TTC7A: variants seen among roughly 807,000 people sequenced by gnomAD.
TTC7A encodes tetratricopeptide repeat domain 7A.
In TTC7A, 110 loss-of-function variants were observed where a neutral mutation model predicts 103.7. The observed-to-expected ratio is 1.06, with a 90% CI of 0.91 to 1.24. The LOEUF (loss-of-function observed/expected upper bound fraction) is 1.24, where lower values mean the gene tolerates loss of function less well. Ranked by LOEUF, TTC7A falls within the 50% of genes most tolerant of loss-of-function variation. The pLI is 0.00. For missense variants in TTC7A, 1,340 were observed against 1,116.3 expected, an observed-to-expected ratio of 1.20 and a Z score of -2.86; for synonymous variants, 521 against 467.9, an observed-to-expected ratio of 1.11 and a Z score of -1.47.
chr2:46,925,215 T>C (rs1669324661), intron 2 of TTC7A, among the ~76,000 whole-genome samples: 1 of 152,192 alleles, frequency 6.6e-6, no homozygotes, highest in African/African-American at 2.4e-5. Context: ...CTCAGCATCC[T>C]GAGTAGCTGG....
chr2:47,072,702 A>T, intron 19 of TTC7A, among the ~76,000 whole-genome samples: 1 of 152,120 alleles, frequency 6.6e-6, no homozygotes, highest in East Asian at 1.9e-4. Context: ...CCCGTCTTGG[A>T]ACAAGAGAAG....
At chr2:47,041,810 CA>C (rs565283856) in intron 15 of TTC7A, among the ~76,000 whole-genome samples, 1 of 150,354 alleles carries the variant, frequency 6.7e-6, no homozygotes, top group African/African-American at 2.5e-5. Flanking sequence ...GCCTAGGTGG[CA>C]AAAAAAGATT....
intron 1 of TTC7A, among the ~76,000 whole-genome samples, chr2:46,947,972 G>T (rs1266387009): frequency 6.6e-6 from 1 of 152,246 alleles, no homozygotes; most frequent in East Asian, 1.9e-4. Flanking sequence ...TGGGTCCAAA[G>T]GGGCGTGCTC....
rs1430997217 is a variant in TTC7A at position 47,011,263 on chromosome 2, C to G, written c.1288-68C>G. On this transcript the variant is annotated intron_variant, in intron 10 of 19. Transcript: ENST00000319190. ...GCAAGGCTTGGTTGTTTGGGAAGCTCGCCCCACTGTGGGCCCTTGAGATCC... is the reference window on the plus strand; with the variant it reads ...GCAAGGCTTGGTTGTTTGGGAAGCTGGCCCCACTGTGGGCCCTTGAGATCC... The G allele has an allele frequency of 2.1e-6, 3 of 1,435,502 alleles. No individual in the cohort carries two copies. In the East Asian group the frequency reaches 7.0e-5, roughly 34 times the overall value. 88.9% of individuals were successfully genotyped at this position (1,435,502 alleles called of 1,614,324 possible).
chr2:47,042,075 G>A (rs1681813626), intron 15 of TTC7A, among the ~76,000 whole-genome samples: 1 of 152,182 alleles, frequency 6.6e-6, no homozygotes, highest in Non-Finnish European at 1.5e-5. Context: ...CAAGTTATAG[G>A]AGGGTGACAG....
At chr2:46,977,654 T>C (rs965410272) in intron 4 of TTC7A, among the ~76,000 whole-genome samples, 20 of 152,154 alleles carry the variant, frequency 1.3e-4, no homozygotes, top group African/African-American at 4.3e-4. Flanking sequence ...TGATACATAG[T>C]AGAAATAGCT....
At chr2:46,923,450 T>C (rs1669213210) in intron 2 of TTC7A, among the ~76,000 whole-genome samples, 1 of 152,218 alleles carries the variant, frequency 6.6e-6, no homozygotes, top group South Asian at 2.1e-4. Context: ...AGTTGTATGC[T>C]AGAAAACAGG....
intron 8 of TTC7A, among the ~76,000 whole-genome samples, chr2:47,000,370 C>T (rs1676681398): frequency 6.6e-6 from 1 of 152,104 alleles, no homozygotes; most frequent in Admixed American, 6.5e-5. Context: ...CCCTGCTCTG[C>T]TGAAGGCTGA....
intron 8 of TTC7A, among the ~76,000 whole-genome samples, chr2:47,005,235 G>GC (rs1677252149): frequency 6.6e-6 from 1 of 152,096 alleles, no homozygotes; most frequent in Admixed American, 6.5e-5. Context: ...AGGAAGGGAG[G>GC]GGGGGGCTCT....
chr2:47,023,574 C>T, intron 13 of TTC7A, 109 bp downstream of exon 13: 1 of 1,194,372 alleles, frequency 8.4e-7, no homozygotes, highest in South Asian at 1.3e-5. Context: ...ATTTCTATCT[C>T]CATTTTACAG....
chr2:47,029,206 G>T lies in TTC7A; in HGVS notation c.1642-18G>T. On this transcript the variant is annotated intron_variant, in intron 14 of 19. Transcript: ENST00000319190. ...GCATGTGCCTGGGGAAGGCTAACCT[G>T]GCGGGTTCCTTCAACAGATCTCCAG... 6.2e-7 allele frequency: 1 copy of T among 1,612,904 alleles called. No homozygotes were observed.
chr2:46,968,153 G>T (rs569499483), intron 3 of TTC7A, among the ~76,000 whole-genome samples: 5 of 152,236 alleles, frequency 3.3e-5, no homozygotes, highest in Non-Finnish European at 7.3e-5. Flanking sequence ...GTTGGGACCA[G>T]CCTGGTGTTG....
chr2:46,924,301 G>A (rs1234568401), intron 2 of TTC7A, among the ~76,000 whole-genome samples: 2 of 150,934 alleles, frequency 1.3e-5, no homozygotes, highest in Admixed American at 6.6e-5. Flanking sequence ...GGAAGCCTTG[G>A]TATCAGCTCA....
intron 18 of TTC7A, 98 bp downstream of exon 18, chr2:47,051,978 C>G: frequency 6.9e-7 from 1 of 1,457,640 alleles, no homozygotes; most frequent in Non-Finnish European, 9.2e-7. Flanking sequence ...GAGGTGGGGA[C>G]ACCTTGCTAG....
chr2:46,929,378 T>C (rs765204090), intron 2 of TTC7A, among the ~76,000 whole-genome samples: 15 of 152,046 alleles, frequency 9.9e-5, no homozygotes, highest in East Asian at 5.8e-4. Flanking sequence ...TTCTAGCTAC[T>C]TGGGAGGCTG....
At chr2:46,947,981 T>A (rs1366010868) in intron 1 of TTC7A, among the ~76,000 whole-genome samples, 1 of 152,166 alleles carries the variant, frequency 6.6e-6, no homozygotes, top group African/African-American at 2.4e-5. Context: ...AGGGGCGTGC[T>A]CTGGGGAGGA....
intron 4 of TTC7A, among the ~76,000 whole-genome samples, chr2:46,976,655 A>C (rs537282353): frequency 9.5e-4 from 145 of 152,272 alleles, no homozygotes; most frequent in African/African-American, 3.4e-3. Flanking sequence ...GGGCTGGAGA[A>C]TTCTTTGTTG....
At chr2:46,955,975 G>A (rs956623655) in intron 2 of TTC7A, among the ~76,000 whole-genome samples, 4 of 152,186 alleles carry the variant, frequency 2.6e-5, no homozygotes, top group African/African-American at 4.8e-5. Flanking sequence ...CTGCAGAGGC[G>A]GGAGGTTACA....
At chr2:47,032,601 G>A (rs1377944246) in intron 15 of TTC7A, among the ~76,000 whole-genome samples, 2 of 151,946 alleles carry the variant, frequency 1.3e-5, no homozygotes, top group South Asian at 2.1e-4. Context: ...AGTGTGCTGC[G>A]AAGCATTTGG....
Sources: gnomAD v4.1 joint callset for allele counts (sites outside exome capture counted in the v4.1 genomes callset) on GRCh38, gnomAD v4.1.1 for gene constraint, MANE v1.5 for transcripts, NCBI Gene and HGNC (gene_info 2026-07-23, HGNC 2026-07-21) for gene names.